The following SNX8 variants were observed in gnomAD, a reference collection of about 807,000 sequenced individuals.
SNX8 encodes sorting nexin 8.
SNX8 carries 25 observed loss-of-function variants against 51.6 expected under a neutral mutation model. The ratio of observed to expected loss-of-function variants is 0.48; its 90% CI spans 0.35 to 0.68. SNX8 has a LOEUF of 0.68. SNX8 is among the 30% of genes least tolerant of loss of function. The pLI is 0.00. For synonymous variants in SNX8, 324 were observed against 277.0 expected (o/e 1.17, Z -1.68); for missense variants, 695 against 624.0 (o/e 1.11, Z -1.21).
chr7:2,255,883 G>A (rs968116712), intron 10 of SNX8, among the ~76,000 whole-genome samples: 2 of 152,250 alleles, frequency 1.3e-5, no homozygotes, highest in African/African-American at 4.8e-5. Flanking sequence ...GCCAAGACCT[G>A]CCGTGCAGGG....
chr7:2,303,110 G>A (rs1472580118), intron 1 of SNX8, among the ~76,000 whole-genome samples: 10 of 140,356 alleles, frequency 7.1e-5, no homozygotes, highest in African/African-American at 2.1e-4. Context: ...GGAGGTGGGG[G>A]GGTCAGCCCC....
At chr7:2,258,912 G>A (rs1017296425) in intron 7 of SNX8, among the ~76,000 whole-genome samples, 18 of 152,284 alleles carry the variant, frequency 1.2e-4, no homozygotes, top group South Asian at 6.2e-4. Flanking sequence ...GGGATGCCCT[G>A]CTCCCAGAGT....
chr7:2,313,600 T>C (rs1408214405), intron 1 of SNX8, among the ~76,000 whole-genome samples: 3 of 151,518 alleles, frequency 2.0e-5, no homozygotes, highest in East Asian at 1.9e-4. Context: ...CGATGGCTCA[T>C]GCCCGTACTC....
intron 1 of SNX8, among the ~76,000 whole-genome samples, chr7:2,351,614 C>T (rs1025488141): frequency 1.2e-4 from 18 of 151,696 alleles, no homozygotes; most frequent in Admixed American, 7.2e-4. Flanking sequence ...GGGCGGATCA[C>T]GAGGTCAGGA....
At chr7:2,292,994 C>T (rs938890548) in intron 1 of SNX8, among the ~76,000 whole-genome samples, 3 of 151,728 alleles carry the variant, frequency 2.0e-5, no homozygotes, top group African/African-American at 7.3e-5. Context: ...CACTCCAGCC[C>T]GGGTGATAGA....
At chr7:2,310,206 C>G (rs1306477021) in intron 1 of SNX8, among the ~76,000 whole-genome samples, 1 of 152,126 alleles carries the variant, frequency 6.6e-6, no homozygotes, top group East Asian at 1.9e-4. Context: ...CACTGCCGTT[C>G]TCGCTGGATG....
chr7:2,305,820 C>T (rs531449036), intron 1 of SNX8, among the ~76,000 whole-genome samples: 2 of 152,018 alleles, frequency 1.3e-5, no homozygotes, highest in African/African-American at 4.8e-5. Context: ...GTGGCTCACA[C>T]CAGTAATCCC....
intron 1 of SNX8, among the ~76,000 whole-genome samples, chr7:2,293,369 T>C (rs542552447): frequency 1.5e-4 from 23 of 151,864 alleles, no homozygotes; most frequent in Non-Finnish European, 3.1e-4. Flanking sequence ...CCTGAAAAGA[T>C]GCTCAGTCGG....
chr7:2,297,121 C>T (rs565661053), intron 1 of SNX8, among the ~76,000 whole-genome samples: 1 of 152,050 alleles, frequency 6.6e-6, no homozygotes, highest in East Asian at 1.9e-4. Flanking sequence ...AATGCTTACA[C>T]GCTACCGATG....
At chr7:2,312,350 A>T (rs369472207) in intron 1 of SNX8, among the ~76,000 whole-genome samples, 38 of 152,262 alleles carry the variant, frequency 2.5e-4, no homozygotes, top group Non-Finnish European at 4.6e-4. Context: ...CAGCAATGCC[A>T]AATTGCTTTA....
intron 1 of SNX8, among the ~76,000 whole-genome samples, chr7:2,330,854 A>G (rs1778717793): frequency 6.6e-6 from 1 of 152,140 alleles, no homozygotes; most frequent in Non-Finnish European, 1.5e-5. Context: ...TATGGATAGA[A>G]AAGAAGATTA....
In SNX8 at chr7:2,278,221, T is replaced by A. The variant is rs368063307; in HGVS notation, c.179A>T (p.Asn60Ile). The change falls in exon 2 of 11, where the codon AAC becomes ATC. Residue 60 changes from asparagine to isoleucine, a missense_variant. Coordinates refer to ENST00000222990, the MANE Select transcript of SNX8 (RefSeq NM_013321.4). ...CAGGGTGTGGGACAGCAGCAGCGGG[T>A]TCCCCTGCGGCATCTGCATTCGACT... is the stretch of plus-strand genomic sequence containing the variant. Reference protein sequence around the residue: ...APSRMQMPQGNPLLLSHTLQE... With the variant: ...APSRMQMPQGIPLLLSHTLQE... 6.2e-7 allele frequency: 1 copy of A among 1,612,712 alleles called. No homozygotes were observed. Among genetic ancestry groups the A allele is most frequent in the Admixed American group, 1.7e-5 (1 of 59,920 alleles).
chr7:2,348,862 G>A (rs1779083491), intron 1 of SNX8, among the ~76,000 whole-genome samples: 1 of 146,704 alleles, frequency 6.8e-6, no homozygotes, highest in South Asian at 2.1e-4. Flanking sequence ...TGAGGCAGAA[G>A]AATCATTTGA....
intron 1 of SNX8, among the ~76,000 whole-genome samples, chr7:2,330,714 C>A (rs191056668): frequency 1.3e-5 from 2 of 152,154 alleles, no homozygotes; most frequent in East Asian, 3.9e-4. Context: ...GCTGCTTGAT[C>A]TGTGGGAAAC....
chr7:2,290,390 G>C (rs924271150), intron 1 of SNX8, among the ~76,000 whole-genome samples: 12 of 151,788 alleles, frequency 7.9e-5, no homozygotes, highest in Non-Finnish European at 1.5e-4. Flanking sequence ...TGTAATTCCA[G>C]ATACTCCAGA....
rs1386116221 is a variant in SNX8 at position 2,252,298 on chromosome 7, G to A, written c.*2758C>T. On this transcript the variant is annotated 3_prime_UTR_variant, in exon 11 of 11. Coordinates refer to ENST00000222990, the MANE Select transcript of SNX8 (RefSeq NM_013321.4). ...CCGTGGGCAGCAGGAGGGCTGGAGA[G>A]GCATGGGGGGAACCCCGCTCTCCCT... The A allele has an allele frequency of 1.3e-5, 2 of 152,328 alleles. No individual in the cohort carries two copies. Among genetic ancestry groups the A allele is most frequent in the African/African-American group, 4.8e-5 (2 of 41,466 alleles). 9.4% of individuals were successfully genotyped at this position (152,328 alleles called of 1,614,324 possible).
At chr7:2,275,719 C>G (rs957197916) in intron 2 of SNX8, among the ~76,000 whole-genome samples, 1 of 151,930 alleles carries the variant, frequency 6.6e-6, no homozygotes, top group East Asian at 1.9e-4. Context: ...TTAAAAAAGG[C>G]CGGGCGCGGT....
chr7:2,354,139 TGTGAAAGCCCGAA>T (rs1779252158), intron 1 of SNX8: 1 of 152,232 alleles, frequency 6.6e-6, no homozygotes, highest in Admixed American at 6.5e-5. Flanking sequence ...ACTGAACCAC[TGTGAAAGCCCGAA>T]TGGGGGGAAA....
At chr7:2,333,608 T>A (rs913965135) in intron 1 of SNX8, among the ~76,000 whole-genome samples, 1 of 152,090 alleles carries the variant, frequency 6.6e-6, no homozygotes, top group African/African-American at 2.4e-5. Context: ...TAATGTGGTA[T>A]TGTCATAGGG....
Sources: gnomAD v4.1 joint callset for allele counts (sites outside exome capture counted in the v4.1 genomes callset) on GRCh38, gnomAD v4.1.1 for gene constraint, MANE v1.5 for transcripts, NCBI Gene and HGNC (gene_info 2026-07-23, HGNC 2026-07-21) for gene names.